Variants in ROBO2 observed in about 807,000 individuals in gnomAD.
ROBO2 encodes the protein roundabout homolog 2.
In ROBO2, 53 loss-of-function variants were observed where a neutral mutation model predicts 160.8. That is an observed-to-expected ratio of 0.33 (90% CI 0.26 to 0.41). ROBO2 has a LOEUF of 0.41. Ranked by LOEUF, ROBO2 falls within the 10% of genes least tolerant of loss-of-function variation. The probability of loss-of-function intolerance (pLI) is 1.00; values close to 1 mark genes in which losing one functional copy is unlikely to be tolerated. For synonymous variants in ROBO2, 664 were observed against 611.7 expected (o/e 1.09, Z -1.26); for missense variants, 1,577 against 1,722.4 (o/e 0.92, Z 1.49).
chr3:76,719,034 T>C (rs1164460740), intron 2 of ROBO2, among the ~76,000 whole-genome samples: 1 of 152,176 alleles, frequency 6.6e-6, no homozygotes, highest in East Asian at 1.9e-4. Context: ...TTTTTTTAAA[T>C]AAAATCACTT....
chr3:77,375,094 C>T (rs1389540104), intron 2 of ROBO2, among the ~76,000 whole-genome samples: 1 of 152,082 alleles, frequency 6.6e-6, no homozygotes, highest in Non-Finnish European at 1.5e-5. Flanking sequence ...TGCCTGTAGC[C>T]CTAGCAATTC....
chr3:77,206,852 A>C (rs888920739), intron 2 of ROBO2, among the ~76,000 whole-genome samples: 1 of 152,146 alleles, frequency 6.6e-6, no homozygotes, highest in African/African-American at 2.4e-5. Flanking sequence ...TCCATTGATG[A>C]AACCATTCAA....
chr3:77,405,402 CA>C (rs1187571633), intron 2 of ROBO2, among the ~76,000 whole-genome samples: 1 of 151,702 alleles, frequency 6.6e-6, no homozygotes, highest in East Asian at 1.9e-4. Context: ...TTTGATTCAC[CA>C]AAAAATTAAA....
intron 2 of ROBO2, among the ~76,000 whole-genome samples, chr3:76,091,886 T>C (rs2069252365): frequency 6.6e-6 from 1 of 152,108 alleles, no homozygotes; most frequent in Non-Finnish European, 1.5e-5. Flanking sequence ...AGTATAGAGA[T>C]AGTAAAAAAA....
At chr3:76,845,832 T>A (rs1193620705) in intron 2 of ROBO2, among the ~76,000 whole-genome samples, 3 of 152,104 alleles carry the variant, frequency 2.0e-5, no homozygotes, top group Non-Finnish European at 4.4e-5. Flanking sequence ...GGTTATATTA[T>A]ATTCTCATTC....
At chr3:76,214,206 A>G (rs1703341115) in intron 2 of ROBO2, among the ~76,000 whole-genome samples, 1 of 152,238 alleles carries the variant, frequency 6.6e-6, no homozygotes, top group East Asian at 1.9e-4. Flanking sequence ...AGCATGATAC[A>G]ACAGTCCATA....
intron 2 of ROBO2, among the ~76,000 whole-genome samples, chr3:75,945,941 CTTT>C (rs1056990346): frequency 4.0e-4 from 61 of 152,078 alleles, no homozygotes; most frequent in African/African-American, 1.4e-3. Flanking sequence ...AAGTGGATAC[CTTT>C]TATCTCTACA....
intron 2 of ROBO2, among the ~76,000 whole-genome samples, chr3:77,289,241 T>A (rs376299351): frequency 6.6e-6 from 1 of 152,146 alleles, no homozygotes; most frequent in African/African-American, 2.4e-5. Context: ...GATTGTAAAT[T>A]GAGGTAAGTT....
chr3:76,772,488 C>T (rs1379020067), intron 2 of ROBO2, among the ~76,000 whole-genome samples: 1 of 146,916 alleles, frequency 6.8e-6, no homozygotes, highest in South Asian at 2.2e-4. Flanking sequence ...CTTCTCTCCC[C>T]ACCCCTGACA....
intron 2 of ROBO2, among the ~76,000 whole-genome samples, chr3:76,024,485 A>G (rs1373938261): frequency 3.3e-5 from 5 of 151,630 alleles, no homozygotes; most frequent in Non-Finnish European, 5.9e-5. Flanking sequence ...TGCAATCCAA[A>G]TACTTAGTTT....
intron 2 of ROBO2, among the ~76,000 whole-genome samples, chr3:76,329,976 T>C (rs777971786): frequency 2.0e-5 from 3 of 152,172 alleles, no homozygotes; most frequent in Non-Finnish European, 4.4e-5. Context: ...TAATGCAAAA[T>C]GTGTAATATA....
chr3:76,150,000 TCATCTGTCTAAAACAGA>T (rs2072104845), intron 2 of ROBO2, among the ~76,000 whole-genome samples: 1 of 110,162 alleles, frequency 9.1e-6, no homozygotes, highest in African/African-American at 3.5e-5. Flanking sequence ...AAAGCACACA[TCATCTGTCTAAAACAGA>T]CATCTGTCTA....
chr3:76,323,786 AT>A (rs1225640097), intron 2 of ROBO2, among the ~76,000 whole-genome samples: 1 of 152,186 alleles, frequency 6.6e-6, no homozygotes, highest in Non-Finnish European at 1.5e-5. Flanking sequence ...AATTTTTCAT[AT>A]GTATCTTCAT....
intron 23 of ROBO2, chr3:77,630,985 T>C (rs1411545627): frequency 6.7e-6 from 1 of 150,332 alleles, no homozygotes; most frequent in Admixed American, 6.7e-5. Flanking sequence ...TAGCATTATA[T>C]TGCAAAGCCT....
At chr3:77,602,864 A>AT (rs2094460378) in intron 20 of ROBO2, 2 of 464,238 alleles carry the variant, frequency 4.3e-6, no homozygotes, top group Non-Finnish European at 4.3e-6. Flanking sequence ...TGCTAACTGC[A>AT]TGTTCTGCAT....
intron 2 of ROBO2, among the ~76,000 whole-genome samples, chr3:76,993,263 G>A (rs910606499): frequency 4.6e-5 from 7 of 152,116 alleles, no homozygotes; most frequent in African/African-American, 1.4e-4. Context: ...AGTAACATTT[G>A]AGTCTATTAT....
At chr3:76,273,112 CACATATAA>C (rs1260599247) in intron 2 of ROBO2, among the ~76,000 whole-genome samples, 292 of 20,716 alleles carry the variant, frequency 0.014, 6 homozygotes, top group Middle Eastern at 0.05. Context: ...TATACACACA[CACATATAA>C]ATATATATAT....
intron 2 of ROBO2, among the ~76,000 whole-genome samples, chr3:77,248,685 G>T (rs2090009048): frequency 6.6e-6 from 1 of 152,050 alleles, no homozygotes; most frequent in African/African-American, 2.4e-5. Context: ...AAAGCAGCCA[G>T]CGAGGTCCAG....
intron 2 of ROBO2, among the ~76,000 whole-genome samples, chr3:76,054,277 G>A (rs1340456060): frequency 1.3e-5 from 2 of 152,052 alleles, no homozygotes; most frequent in Non-Finnish European, 2.9e-5. Flanking sequence ...TATTTTATCT[G>A]AATTTAGTTC....
Sources: gnomAD v4.1 joint callset for allele counts (sites outside exome capture counted in the v4.1 genomes callset) on GRCh38, gnomAD v4.1.1 for gene constraint, MANE v1.5 for transcripts, NCBI Gene and HGNC (gene_info 2026-07-23, HGNC 2026-07-21) for gene names.